The following USH2A variants were observed in gnomAD, a reference collection of about 807,000 sequenced individuals.
USH2A encodes Usher syndrome 2A (autosomal recessive, mild).
USH2A carries 443 observed loss-of-function variants against 538.9 expected under a neutral mutation model. The observed-to-expected ratio is 0.82, with a 90% CI of 0.76 to 0.89. USH2A has a LOEUF of 0.89. Ranked by LOEUF, USH2A falls within the 40% of genes least tolerant of loss-of-function variation. The probability of loss-of-function intolerance (pLI) is 0.00; values close to 1 mark genes in which losing one functional copy is unlikely to be tolerated. For missense variants in USH2A, 6,633 were observed against 6,324.8 expected, an observed-to-expected ratio of 1.05 and a Z score of -1.65; for synonymous variants, 2,413 against 2,273.5, an observed-to-expected ratio of 1.06 and a Z score of -1.75.
intron 40 of USH2A, among the ~76,000 whole-genome samples, chr1:215,889,989 T>C (rs1172186846): frequency 5.3e-5 from 8 of 152,214 alleles, no homozygotes; most frequent in African/African-American, 1.9e-4. Flanking sequence ...AAATTTCATT[T>C]AAAATGCAGG....
At position 215,836,497 on chromosome 1, in the gene USH2A, TAATATATATTATATATATATA is replaced by T. The variant is rs1663508950; in HGVS notation, c.9371+1473_9371+1493del. Among the ~76,000 whole-genome samples the T allele has an allele frequency of 1.2e-4, 2 of 16,834 alleles. 1 individual carries two copies. Among genetic ancestry groups the T allele is most frequent in the African/African-American group, 4.0e-4 (2 of 5,016 alleles). The allele number at this position is 16,834 out of a possible 152,430, so 11.0% of individuals were successfully genotyped here. A position where few individuals can be genotyped will look rare whatever the true frequency, so the allele number is the denominator to read the frequency against. ...ATATATATAATATATATTATATATA[TAATATATATTATATATATATA>T]ATATATATTATATATATATATATAA... On this transcript the variant is annotated intron_variant, in intron 47 of 71. Coordinates refer to ENST00000307340, the MANE Select transcript of USH2A (RefSeq NM_206933.4).
intron 21 of USH2A, among the ~76,000 whole-genome samples, chr1:216,164,513 G>A (rs1270880970): frequency 6.6e-6 from 1 of 152,108 alleles, no homozygotes; most frequent in African/African-American, 2.4e-5. Flanking sequence ...TAGTTTTCGA[G>A]AAGACTGATT....
At chr1:216,412,737 A>G (rs530331602) in intron 3 of USH2A, among the ~76,000 whole-genome samples, 69 of 151,304 alleles carry the variant, frequency 4.6e-4, no homozygotes, top group African/African-American at 1.6e-3. Context: ...GGAGAATTTT[A>G]AAAACTATTA....
At chr1:215,630,472 A>ATGTGTGTGTG (rs200498400) in intron 70 of USH2A, among the ~76,000 whole-genome samples, 1 of 64,074 alleles carries the variant, frequency 1.6e-5, no homozygotes, top group African/African-American at 5.3e-5. Context: ...ATGTATGTGT[A>ATGTGTGTGTG]TGTGTGTGTG....
At chr1:216,325,628 G>C in intron 5 of USH2A, 29 bp from the exon 6 acceptor site, 1 of 1,606,322 alleles carries the variant, frequency 6.2e-7, no homozygotes, top group Non-Finnish European at 8.5e-7. Flanking sequence ...AGACTGTAAG[G>C]ACAAAGAGCT....
chr1:216,013,659 T>C (rs12132742), intron 32 of USH2A, among the ~76,000 whole-genome samples: 22,542 of 151,354 alleles, frequency 0.15, 1,756 homozygotes, highest in Middle Eastern at 0.23. Context: ...CCCCACTGAG[T>C]ACCTTGTGAC....
chr1:216,057,444 T>A (rs1045953858), intron 30 of USH2A, among the ~76,000 whole-genome samples: 2 of 151,958 alleles, frequency 1.3e-5, no homozygotes, highest in Non-Finnish European at 2.9e-5. Flanking sequence ...TCACCTGAGG[T>A]CAGGAGTTTG....
rs1655991839 is a variant in USH2A at position 215,625,654 on chromosome 1, A to ATTTC, written c.*123_*126dup. 1 of 874,156 alleles carries ATTTC rather than the reference A, an allele frequency of 1.1e-6. No individual in the cohort carries two copies. The highest frequency in any genetic ancestry group is 1.7e-5 in the African/African-American group (1 of 59,902). 54.1% of individuals were successfully genotyped at this position (874,156 alleles called of 1,614,324 possible). On this transcript the variant is annotated 3_prime_UTR_variant, in exon 72 of 72. Coordinates refer to ENST00000307340, the MANE Select transcript of USH2A (RefSeq NM_206933.4). Reference sequence around the variant, plus strand: ...AGGAACACTTTCAAAAACAGTCATCATTTCTTTAAAGAATTATAGGATAAT... The same window carrying ATTTC: ...AGGAACACTTTCAAAAACAGTCATCATTTCTTTCTTTAAAGAATTATAGGATAAT...
chr1:215,877,878 T>C lies in USH2A; in HGVS notation c.8561A>G (p.Tyr2854Cys). Residue 2854 changes from tyrosine (Y) to cysteine (C), a missense_variant and splice_region_variant, in exon 43 of 72, where the codon TAT becomes TGT. Physicochemically the swap from Tyr to Cys is radical, Grantham distance 194 (BLOSUM62 -2). Transcript: ENST00000307340. Reference protein sequence around the residue: ...PSKPNGPNLRYELLRRKIQQP... With the variant: ...PSKPNGPNLRCELLRRKIQQP... The stretch of plus-strand genomic sequence containing the variant: ...CTGGATTTTACGTCTCAGAAGCTCA[T>C]ATCTAAAGCAAAAGACAAGCAGGAA... 6.2e-7 allele frequency: 1 copy of C among 1,613,702 alleles called. No individual in the cohort carries two copies. Among genetic ancestry groups the C allele is most frequent in the Non-Finnish European group, 8.5e-7 (1 of 1,179,646 alleles).
intron 30 of USH2A, among the ~76,000 whole-genome samples, chr1:216,061,732 C>T (rs1436776): frequency 0.43 from 64,862 of 151,942 alleles, 14,783 homozygotes; most frequent in Middle Eastern, 0.52. Context: ...CCCAGTGAAA[C>T]GACCAAAGTT....
At chr1:215,920,434 A>C (rs1350972626) in intron 38 of USH2A, among the ~76,000 whole-genome samples, 2 of 152,102 alleles carry the variant, frequency 1.3e-5, no homozygotes, top group Non-Finnish European at 2.9e-5. Context: ...TTAATTTTCA[A>C]CTGAATAGTG....
intron 27 of USH2A, among the ~76,000 whole-genome samples, chr1:216,074,166 A>G (rs2102550228): frequency 6.6e-6 from 1 of 152,336 alleles, no homozygotes; most frequent in African/African-American, 2.4e-5. Flanking sequence ...GCAAACAAAA[A>G]AGGCATCCAG....
chr1:215,748,124 C>G (rs1429269205), intron 58 of USH2A, among the ~76,000 whole-genome samples: 1 of 152,030 alleles, frequency 6.6e-6, no homozygotes, highest in Admixed American at 6.6e-5. Context: ...ATCTCCTGAC[C>G]TCATGATCCA....
intron 56 of USH2A, among the ~76,000 whole-genome samples, chr1:215,763,492 G>A (rs968761732): frequency 3.9e-5 from 6 of 152,070 alleles, no homozygotes; most frequent in Admixed American, 2.0e-4. Context: ...ACATAAAGTC[G>A]TAGAAATGTG....
chr1:216,005,821 A>C (rs1668377807), intron 32 of USH2A, among the ~76,000 whole-genome samples: 1 of 152,338 alleles, frequency 6.6e-6, no homozygotes, highest in East Asian at 1.9e-4. Flanking sequence ...GTGGTAAACC[A>C]AATGTTAACA....
At chr1:216,174,964 C>T in intron 21 of USH2A, 3 of 1,233,250 alleles carry the variant, frequency 2.4e-6, no homozygotes, top group Non-Finnish European at 3.1e-6. Context: ...GAAACATGTC[C>T]TGGCACATAC....
intron 21 of USH2A, among the ~76,000 whole-genome samples, chr1:216,105,362 T>G (rs565843632): frequency 2.8e-3 from 188 of 68,072 alleles, no homozygotes; most frequent in African/African-American, 7.0e-3. Context: ...AGCTTTATTG[T>G]TTTTTTTTGA....
chr1:216,269,652 T>G lies in USH2A; in HGVS notation c.1972-18554A>C, dbSNP rs536313181. Among the ~76,000 whole-genome samples, 29 of 152,068 alleles carry G rather than the reference T, an allele frequency of 1.9e-4. 1 individual carries two copies. Among genetic ancestry groups the G allele is most frequent in the Non-Finnish European group, 1.8e-4 (12 of 67,992 alleles). On this transcript the variant is annotated intron_variant, in intron 11 of 71. Transcript: ENST00000307340. Reference sequence around the variant, plus strand: ...CACCTGTGAAGAGCTGAAAACACAGTGGAAGAATTGGCCAAGTGGTCAAGT... The same window carrying G: ...CACCTGTGAAGAGCTGAAAACACAGGGGAAGAATTGGCCAAGTGGTCAAGT...
rs59977028 is a variant in USH2A, at chr1:215,657,927, A to ATTT, written c.14134-7129_14134-7127dup. Among the ~76,000 whole-genome samples, 623 of 97,746 alleles carry ATTT rather than the reference A, an allele frequency of 6.4e-3. 12 individuals are homozygous for ATTT. In the South Asian group the frequency reaches 0.067, roughly 11 times the overall value. The allele number at this position is 97,746 out of a possible 152,430, so 64.1% of individuals were successfully genotyped here. On this transcript the variant is annotated intron_variant, in intron 64 of 71. Transcript: ENST00000307340. The stretch of plus-strand genomic sequence containing the variant: ...CTGTGAAATACTGAAATTTGCCCTG[A>ATTT]TTTTTTTTTTTTTTTTTTTTGAGAC...
Sources: gnomAD v4.1 joint callset for allele counts (sites outside exome capture counted in the v4.1 genomes callset) on GRCh38, gnomAD v4.1.1 for gene constraint, MANE v1.5 for transcripts, NCBI Gene and HGNC (gene_info 2026-07-23, HGNC 2026-07-21) for gene names.